Variants in NTM observed in about 807,000 individuals in gnomAD.
The protein encoded by NTM is IgLON family member 2.
NTM carries 13 observed loss-of-function variants against 42.1 expected under a neutral mutation model. The observed-to-expected ratio is 0.31, with a 90% confidence interval of 0.20 to 0.49. The LOEUF (loss-of-function observed/expected upper bound fraction) is 0.49. Ranked by LOEUF, NTM falls within the 20% of genes least tolerant of loss-of-function variation. The probability of loss-of-function intolerance (pLI) is 0.99; values close to 1 mark genes in which losing one functional copy is unlikely to be tolerated. For missense variants in NTM, 373 were observed against 452.8 expected (o/e 0.82, Z 1.60); for synonymous variants, 187 against 179.2 (o/e 1.04, Z -0.35).
intron 1 of NTM, among the ~76,000 whole-genome samples, chr11:131,832,698 C>T (rs2042973235): frequency 2.0e-5 from 3 of 152,102 alleles, no homozygotes; most frequent in Admixed American, 2.0e-4. Context: ...GCCTCAGTTT[C>T]CTTGGCTGTA....
intron 2 of NTM, among the ~76,000 whole-genome samples, chr11:132,114,769 G>T (rs1379431565): frequency 6.6e-6 from 1 of 152,194 alleles, no homozygotes; most frequent in Non-Finnish European, 1.5e-5. Context: ...ACTGGTTCCA[G>T]GTCACACAGT....
At chr11:131,990,608 A>G (rs748592678) in intron 2 of NTM, among the ~76,000 whole-genome samples, 1 of 152,158 alleles carries the variant, frequency 6.6e-6, no homozygotes, top group Non-Finnish European at 1.5e-5. Context: ...AGATCCTGCT[A>G]GAACTGCTGA....
At chr11:131,849,837 G>C (rs1237913098) in intron 1 of NTM, among the ~76,000 whole-genome samples, 1 of 141,346 alleles carries the variant, frequency 7.1e-6, no homozygotes, top group Non-Finnish European at 1.5e-5. Context: ...GGGGGGCGGG[G>C]GGAGGGATAG....
At chr11:131,754,012 C>G (rs2082944945) in intron 1 of NTM, among the ~76,000 whole-genome samples, 1 of 151,378 alleles carries the variant, frequency 6.6e-6, no homozygotes, top group Non-Finnish European at 1.5e-5. Context: ...AACCATCATT[C>G]TCAGCAAACT....
At chr11:132,078,487 C>A (rs1447526359) in intron 2 of NTM, among the ~76,000 whole-genome samples, 1 of 152,170 alleles carries the variant, frequency 6.6e-6, no homozygotes, top group Non-Finnish European at 1.5e-5. Context: ...TTCCAGCACA[C>A]AAATATCTTG....
At position 131,776,677 on chromosome 11, in the gene NTM, A is replaced by G. The variant is rs545972381; in HGVS notation, c.83-134887A>G. Among the ~76,000 whole-genome samples, 4 of 152,294 alleles carry G rather than the reference A, an allele frequency of 2.6e-5. No individual in the cohort carries two copies. The East Asian group carries it at 7.7e-4, about 29-fold the overall frequency. ...TGCAACAAACAAATTCCAACATTGAATGGCACAACAAAACAAATGTTTATT... is the reference window on the plus strand; with the variant it reads ...TGCAACAAACAAATTCCAACATTGAGTGGCACAACAAAACAAATGTTTATT... On this transcript the variant is annotated intron_variant, in intron 1 of 8. Coordinates refer to ENST00000683400, the MANE Select transcript of NTM (RefSeq NM_001352005.2).
chr11:131,982,662 A>G lies in NTM; in HGVS notation c.167+71014A>G, dbSNP rs145879621. 3.3e-3 allele frequency among the ~76,000 whole-genome samples: 509 copies of G among 152,296 alleles called. 6 individuals are homozygous for G. Among genetic ancestry groups the G allele is most frequent in the African/African-American group, 0.012 (489 of 41,560 alleles). On this transcript the variant is annotated intron_variant, in intron 2 of 8. Coordinates refer to ENST00000683400, the MANE Select transcript of NTM (RefSeq NM_001352005.2). Reference sequence around the variant, plus strand: ...TGGAATAAAGGGAAAAATTATTGTAATTCTTAAACAGACAACTTTAAAAAG... The same window carrying G: ...TGGAATAAAGGGAAAAATTATTGTAGTTCTTAAACAGACAACTTTAAAAAG...
intron 1 of NTM, among the ~76,000 whole-genome samples, chr11:131,655,916 C>A (rs1284774281): frequency 6.6e-6 from 1 of 152,214 alleles, no homozygotes; most frequent in Non-Finnish European, 1.5e-5. Flanking sequence ...CATCTGGGCA[C>A]CTGCCCTATC....
rs190660822 is a variant in NTM at position 131,773,570 on chromosome 11, G to A, written c.83-137994G>A. On this transcript the variant is annotated intron_variant, in intron 1 of 8. Transcript: ENST00000683400. The stretch of plus-strand genomic sequence containing the variant: ...CAGCATTTTCTGTAGCTCCTTTTCA[G>A]CATTAGTCTCATATTGATGCATTTT... 1.8e-3 allele frequency among the ~76,000 whole-genome samples: 275 copies of A among 152,246 alleles called. 1 individual carries two copies. The highest frequency in any genetic ancestry group is 6.2e-3 in the African/African-American group (258 of 41,544).
intron 1 of NTM, among the ~76,000 whole-genome samples, chr11:131,480,001 C>G (rs992488028): frequency 3.9e-5 from 6 of 152,022 alleles, no homozygotes; most frequent in Non-Finnish European, 2.9e-5. Context: ...TGTGGCTCTG[C>G]TATGGCTTGA....
At chr11:132,191,087 A>G (rs2138257890) in intron 3 of NTM, among the ~76,000 whole-genome samples, 2 of 152,292 alleles carry the variant, frequency 1.3e-5, no homozygotes, top group South Asian at 4.1e-4. Context: ...GAGGGGAAAA[A>G]ACAGGTCAGT....
At chr11:131,618,418 T>C (rs2137620731) in intron 1 of NTM, among the ~76,000 whole-genome samples, 1 of 152,362 alleles carries the variant, frequency 6.6e-6, no homozygotes, top group African/African-American at 2.4e-5. Flanking sequence ...GATACAGATG[T>C]TGCAAAAGCA....
intron 2 of NTM, among the ~76,000 whole-genome samples, chr11:132,066,879 CT>C (rs1327868129): frequency 6.6e-6 from 1 of 152,178 alleles, no homozygotes; most frequent in Non-Finnish European, 1.5e-5. Flanking sequence ...CCACCCCAAC[CT>C]CCTCCACCAA....
intron 2 of NTM, among the ~76,000 whole-genome samples, chr11:132,031,518 T>A (rs1288980947): frequency 6.6e-6 from 1 of 152,048 alleles, no homozygotes; most frequent in African/African-American, 2.4e-5. Flanking sequence ...GGTTGGTAGA[T>A]TGGGTGTTGG....
intron 1 of NTM, among the ~76,000 whole-genome samples, chr11:131,767,476 C>T (rs1307378101): frequency 1.3e-5 from 2 of 152,156 alleles, no homozygotes; most frequent in African/African-American, 2.4e-5. Flanking sequence ...CTAACCCAAC[C>T]CCCAGTGGGA....
At chr11:132,094,738 CAG>C (rs893193513) in intron 2 of NTM, among the ~76,000 whole-genome samples, 1 of 151,938 alleles carries the variant, frequency 6.6e-6, no homozygotes, top group East Asian at 1.9e-4. Context: ...TGGAAACAAC[CAG>C]AGAGAGAGAA....
At chr11:132,139,397 T>G (rs2068633815) in intron 2 of NTM, among the ~76,000 whole-genome samples, 1 of 152,238 alleles carries the variant, frequency 6.6e-6, no homozygotes, top group Non-Finnish European at 1.5e-5. Context: ...CCATTCTTGC[T>G]TCAGCATTTA....
At chr11:131,993,541 T>C (rs2067401125) in intron 2 of NTM, among the ~76,000 whole-genome samples, 1 of 152,186 alleles carries the variant, frequency 6.6e-6, no homozygotes, top group African/African-American at 2.4e-5. Context: ...ATAGGGATTC[T>C]GAGCTAAAGA....
intron 2 of NTM, among the ~76,000 whole-genome samples, chr11:132,079,229 C>G (rs2136255861): frequency 6.6e-6 from 1 of 152,256 alleles, no homozygotes; most frequent in African/African-American, 2.4e-5. Flanking sequence ...TGGAGGCCAC[C>G]TATATTTCCA....
Sources: allele counts gnomAD v4.1 joint callset (sites outside exome capture counted in the v4.1 genomes callset), GRCh38; gene constraint gnomAD v4.1.1; transcripts MANE v1.5; gene names NCBI Gene and HGNC (gene_info 2026-07-23, HGNC 2026-07-21).